The following XKR6 variants were observed in gnomAD, a reference collection of about 807,000 sequenced individuals.
XKR6 encodes the protein XK related 6.
A neutral mutation model predicts 56.7 loss-of-function variants in XKR6; 22 were observed. The observed-to-expected ratio is 0.39, with a 90% CI of 0.28 to 0.55. The LOEUF is 0.55. Ranked by LOEUF, XKR6 falls within the 20% of genes least tolerant of loss-of-function variation. The probability of loss-of-function intolerance (pLI) is 0.66; values close to 1 mark genes in which losing one functional copy is unlikely to be tolerated. For missense variants in XKR6, 852 were observed against 889.0 expected (o/e 0.96, Z 0.53); for synonymous variants, 524 against 387.8 (o/e 1.35, Z -4.13).
chr8:11,016,744 C>A (rs1798633727), intron 1 of XKR6, among the ~76,000 whole-genome samples: 11 of 152,186 alleles, frequency 7.2e-5, no homozygotes, highest in Admixed American at 6.5e-4. Context: ...CGCTTGCTCC[C>A]CAACCCCTCC....
At chr8:10,920,639 A>G (rs1800682643) in intron 2 of XKR6, among the ~76,000 whole-genome samples, 1 of 152,268 alleles carries the variant, frequency 6.6e-6, no homozygotes, top group Non-Finnish European at 1.5e-5. Flanking sequence ...TTGGAATGGC[A>G]TCTACTGGCA....
intron 1 of XKR6, among the ~76,000 whole-genome samples, chr8:11,187,877 A>G (rs1803357239): frequency 6.6e-6 from 1 of 152,226 alleles, no homozygotes; most frequent in South Asian, 2.1e-4. Flanking sequence ...CCAGGATAAA[A>G]TAAGGCCCCT....
intron 1 of XKR6, among the ~76,000 whole-genome samples, chr8:11,174,717 G>C (rs1802570925): frequency 6.6e-6 from 1 of 152,110 alleles, no homozygotes; most frequent in Non-Finnish European, 1.5e-5. Context: ...TTACAGGACA[G>C]ATGCCCTGCC....
intron 1 of XKR6, among the ~76,000 whole-genome samples, chr8:11,012,615 G>A (rs1798526580): frequency 6.6e-6 from 1 of 151,458 alleles, no homozygotes; most frequent in South Asian, 2.1e-4. Context: ...TAGAAAAAGT[G>A]CCCCCCTCAC....
chr8:11,177,270 T>C (rs542945646), intron 1 of XKR6, among the ~76,000 whole-genome samples: 1 of 152,340 alleles, frequency 6.6e-6, no homozygotes, highest in South Asian at 2.1e-4. Flanking sequence ...TTTGCCAACA[T>C]TATGACCTGC....
chr8:11,104,827 A>G (rs1798617318), intron 1 of XKR6: 1 of 152,218 alleles, frequency 6.6e-6, no homozygotes, highest in Non-Finnish European at 1.5e-5. Flanking sequence ...AAGGTAGTGT[A>G]AATGATTTCC....
intron 2 of XKR6, among the ~76,000 whole-genome samples, chr8:10,907,406 T>C (rs1218944413): frequency 2.0e-5 from 3 of 152,208 alleles, no homozygotes; most frequent in Non-Finnish European, 4.4e-5. Flanking sequence ...TCAATAACAG[T>C]GATATCTTCC....
intron 1 of XKR6, among the ~76,000 whole-genome samples, chr8:11,005,394 T>C (rs1798344136): frequency 6.6e-6 from 1 of 151,854 alleles, no homozygotes; most frequent in African/African-American, 2.4e-5. Context: ...ATATCTCCAA[T>C]GGAAGGGCTG....
chr8:10,979,689 G>T (rs1183311675), intron 1 of XKR6, among the ~76,000 whole-genome samples: 7 of 152,194 alleles, frequency 4.6e-5, no homozygotes, highest in African/African-American at 7.2e-5. Flanking sequence ...GACAAGTCAG[G>T]CTGCCTGAAA....
chr8:11,150,991 T>A (rs1309427901), intron 1 of XKR6, among the ~76,000 whole-genome samples: 1 of 152,168 alleles, frequency 6.6e-6, no homozygotes. Flanking sequence ...TTGTGCTATC[T>A]TTCCTTAACT....
chr8:11,082,985 C>G (rs1189180850), intron 1 of XKR6, among the ~76,000 whole-genome samples: 1 of 152,232 alleles, frequency 6.6e-6, no homozygotes, highest in African/African-American at 2.4e-5. Flanking sequence ...CTCCCTGCCT[C>G]ACCTTCCCAG....
At chr8:10,907,403 CAG>C (rs1488119653) in intron 2 of XKR6, among the ~76,000 whole-genome samples, 1 of 152,196 alleles carries the variant, frequency 6.6e-6, no homozygotes, top group Non-Finnish European at 1.5e-5. Flanking sequence ...AGTTCAATAA[CAG>C]TGATATCTTC....
intron 1 of XKR6, among the ~76,000 whole-genome samples, chr8:10,935,639 G>A (rs1424225519): frequency 1.3e-5 from 2 of 151,592 alleles, no homozygotes; most frequent in South Asian, 4.2e-4. Flanking sequence ...CTTTATTTCT[G>A]CCTTCATTTT....
At chr8:11,146,358 G>A (rs1384104696) in intron 1 of XKR6, among the ~76,000 whole-genome samples, 1 of 152,204 alleles carries the variant, frequency 6.6e-6, no homozygotes, top group African/African-American at 2.4e-5. Flanking sequence ...AAGTGTGGTG[G>A]CTCATGCCTG....
chr8:11,149,070 A>G (rs1325966717), intron 1 of XKR6, among the ~76,000 whole-genome samples: 1 of 152,206 alleles, frequency 6.6e-6, no homozygotes, highest in Non-Finnish European at 1.5e-5. Flanking sequence ...TCAGGACCTG[A>G]ATGTTTGTGT....
chr8:10,975,903 A>C (rs1802540718), intron 1 of XKR6, among the ~76,000 whole-genome samples: 1 of 152,216 alleles, frequency 6.6e-6, no homozygotes, highest in Non-Finnish European at 1.5e-5. Flanking sequence ...CCCACCACGC[A>C]GTGGCTCACG....
At chr8:10,911,364 T>C (rs969497645) in intron 2 of XKR6, among the ~76,000 whole-genome samples, 5 of 147,132 alleles carry the variant, frequency 3.4e-5, no homozygotes, top group Non-Finnish European at 7.5e-5. Flanking sequence ...TGTATATATA[T>C]ATATATAGAC....
intron 1 of XKR6, chr8:11,137,444 G>A (rs987289546): frequency 1.2e-5 from 5 of 403,666 alleles, no homozygotes; most frequent in Admixed American, 5.8e-5. Flanking sequence ...AACGTGGACA[G>A]TCCCTTACAT....
intron 1 of XKR6, among the ~76,000 whole-genome samples, chr8:11,169,571 C>G (rs1802259063): frequency 6.6e-6 from 1 of 152,162 alleles, no homozygotes; most frequent in Admixed American, 6.5e-5. Context: ...TTACATGAGG[C>G]ACTTAAAACA....
Sources: gnomAD v4.1 joint callset for allele counts (sites outside exome capture counted in the v4.1 genomes callset) on GRCh38, gnomAD v4.1.1 for gene constraint, MANE v1.5 for transcripts, NCBI Gene and HGNC (gene_info 2026-07-23, HGNC 2026-07-21) for gene names.